STIL: variants seen among roughly 807,000 people sequenced by gnomAD.
STIL encodes SCL-interrupting locus protein.
A neutral mutation model predicts 110.1 loss-of-function variants in STIL; 55 were observed. The observed-to-expected ratio is 0.50, with a 90% CI of 0.40 to 0.63. STIL has a LOEUF of 0.63. STIL is among the 20% of genes least tolerant of loss of function. STIL has a pLI of 0.00. For missense variants in STIL, 1,358 were observed against 1,530.0 expected (o/e 0.89, Z 1.87); for synonymous variants, 481 against 530.0 (o/e 0.91, Z 1.27).
intron 10 of STIL, among the ~76,000 whole-genome samples, chr1:47,285,020 C>T (rs917392945): frequency 9.7e-5 from 13 of 134,688 alleles, no homozygotes; most frequent in East Asian, 6.6e-4. Context: ...CATTTTTTGT[C>T]TTTTTTTTTT....
intron 1 of STIL, among the ~76,000 whole-genome samples, chr1:47,310,949 G>A (rs1256137032): frequency 6.6e-6 from 1 of 152,144 alleles, no homozygotes; most frequent in East Asian, 1.9e-4. Flanking sequence ...CTGGGTTCAA[G>A]CGATTCTCCT....
chr1:47,283,003 T>C (rs537350025), intron 10 of STIL: 2 of 153,472 alleles, frequency 1.3e-5, no homozygotes, highest in East Asian at 1.9e-4. Flanking sequence ...AATTTCTGAG[T>C]GCTGGTACCA....
chr1:47,250,912 G>A lies in STIL; in HGVS notation c.*224C>T, dbSNP rs1381369049. 2.1e-5 allele frequency: 11 copies of A among 522,660 alleles called. No individual in the cohort carries two copies. Among genetic ancestry groups the A allele is most frequent in the Non-Finnish European group, 2.7e-5 (8 of 297,612 alleles). 32.4% of individuals were successfully genotyped at this position (522,660 alleles called of 1,614,324 possible). On this transcript the variant is annotated 3_prime_UTR_variant, in exon 17 of 17. Transcript: ENST00000371877. The stretch of plus-strand genomic sequence containing the variant: ...ACTTGTAGGAATAACTGATCTCAGG[G>A]CTTTTCTTAAAGGTTTCAGTGATGT...
chr1:47,285,091 A>G (rs1461840106), intron 10 of STIL, among the ~76,000 whole-genome samples: 2 of 149,838 alleles, frequency 1.3e-5, no homozygotes, highest in African/African-American at 4.9e-5. Context: ...TGCCACGAAC[A>G]TGGCTCACTG....
chr1:47,279,459 GAAGA>G (rs1353400914), intron 12 of STIL, among the ~76,000 whole-genome samples: 3 of 152,002 alleles, frequency 2.0e-5, no homozygotes, highest in Non-Finnish European at 4.4e-5. Flanking sequence ...AGTGAGGAAA[GAAGA>G]AAAAAGACAA....
chr1:47,284,776 G>C (rs762473283), intron 10 of STIL, among the ~76,000 whole-genome samples: 1 of 152,054 alleles, frequency 6.6e-6, no homozygotes. Flanking sequence ...TGTAATCCCA[G>C]CTACTTGGGA....
intron 12 of STIL, among the ~76,000 whole-genome samples, chr1:47,279,332 T>C (rs1332000267): frequency 6.6e-6 from 1 of 151,810 alleles, no homozygotes; most frequent in African/African-American, 2.4e-5. Context: ...ACACATATAT[T>C]TGCATAGTTA....
intron 13 of STIL, among the ~76,000 whole-genome samples, chr1:47,270,240 A>AT (rs1557722357): frequency 3.9e-4 from 46 of 118,044 alleles, no homozygotes; most frequent in African/African-American, 8.1e-4. Context: ...AAAAAAAAAA[A>AT]AATATATATA....
chr1:47,268,446 C>T (rs1269881590), intron 14 of STIL, among the ~76,000 whole-genome samples: 1 of 151,460 alleles, frequency 6.6e-6, no homozygotes, highest in Non-Finnish European at 1.5e-5. Flanking sequence ...ACTCTTGTCT[C>T]AAAAAATAAA....
chr1:47,306,067 ACT>A (rs1316845203), intron 2 of STIL, among the ~76,000 whole-genome samples: 2 of 151,818 alleles, frequency 1.3e-5, no homozygotes, highest in African/African-American at 2.4e-5. Context: ...TTCACTTGTA[ACT>A]CTACTACCAG....
chr1:47,271,827 C>CA (rs1200796362), intron 13 of STIL, among the ~76,000 whole-genome samples: 124 of 143,854 alleles, frequency 8.6e-4, no homozygotes, highest in South Asian at 1.1e-3. Flanking sequence ...AAACAAAAAA[C>CA]AAAAAAAAAA....
At chr1:47,310,150 G>A in intron 2 of STIL, 126 bp downstream of exon 2, 1 of 805,520 alleles carries the variant, frequency 1.2e-6, no homozygotes. Context: ...CTAACAAGTG[G>A]TAGAGCTAGG....
chr1:47,308,384 C>A (rs1284241786), intron 2 of STIL, among the ~76,000 whole-genome samples: 3 of 147,702 alleles, frequency 2.0e-5, no homozygotes, highest in African/African-American at 7.6e-5. Context: ...TCCCCCGATA[C>A]TGTCTCAAAA....
chr1:47,284,831 A>G lies in STIL; in HGVS notation c.1134-2372T>C, dbSNP rs188531712. The stretch of plus-strand genomic sequence containing the variant: ...CTTGAACCTGCGAAGTGGAGGTTGC[A>G]GTGAGCTGAGATCACACCACTGTAC... On this transcript the variant is annotated intron_variant, in intron 10 of 16. Transcript: ENST00000371877. Among the ~76,000 whole-genome samples, 662 of 152,008 alleles carry G rather than the reference A, an allele frequency of 4.4e-3. 2 individuals carry two copies. Among genetic ancestry groups the G allele is most frequent in the East Asian group, 0.01 (54 of 5,168 alleles).
intron 7 of STIL, among the ~76,000 whole-genome samples, chr1:47,293,841 A>G (rs1645566052): frequency 6.6e-6 from 1 of 152,200 alleles, no homozygotes; most frequent in Non-Finnish European, 1.5e-5. Context: ...TGTGGGAAAG[A>G]AAATGGTTAA....
intron 12 of STIL, among the ~76,000 whole-genome samples, chr1:47,276,032 T>G (rs1644981892): frequency 6.6e-6 from 1 of 151,434 alleles, no homozygotes; most frequent in South Asian, 2.1e-4. Context: ...AGACAGAGTC[T>G]AGCTCTGTCG....
intron 6 of STIL, 148 bp downstream of exon 6, chr1:47,299,757 A>G: frequency 1.1e-6 from 1 of 905,716 alleles, no homozygotes. Flanking sequence ...ACGAAAATAA[A>G]CCATTTCATT....
At chr1:47,276,402 GCATATA>G (rs1455721339) in intron 12 of STIL, among the ~76,000 whole-genome samples, 3 of 151,810 alleles carry the variant, frequency 2.0e-5, no homozygotes, top group South Asian at 2.1e-4. Context: ...ACACGCATAT[GCATATA>G]CATATACATA....
At chr1:47,306,400 T>A (rs1645962953) in intron 2 of STIL, among the ~76,000 whole-genome samples, 1 of 151,956 alleles carries the variant, frequency 6.6e-6, no homozygotes, top group Non-Finnish European at 1.5e-5. Flanking sequence ...ACCACAAATG[T>A]GCACCACCAC....
Sources: gnomAD v4.1 joint callset for allele counts (sites outside exome capture counted in the v4.1 genomes callset) on GRCh38, gnomAD v4.1.1 for gene constraint, MANE v1.5 for transcripts, NCBI Gene and HGNC (gene_info 2026-07-23, HGNC 2026-07-21) for gene names.